Variants in CLEC16A observed in about 807,000 individuals in gnomAD.
CLEC16A encodes protein CLEC16A.
CLEC16A carries 51 observed loss-of-function variants against 109.5 expected under a neutral mutation model. The ratio of observed to expected loss-of-function variants is 0.47; its 90% CI spans 0.37 to 0.59. The LOEUF is 0.59. Ranked by LOEUF, CLEC16A falls within the 20% of genes least tolerant of loss-of-function variation. The pLI is 0.00. For synonymous variants in CLEC16A, 673 were observed against 564.2 expected (o/e 1.19, Z -2.73); for missense variants, 1,339 against 1,394.0 (o/e 0.96, Z 0.63).
intron 23 of CLEC16A, among the ~76,000 whole-genome samples, chr16:11,172,062 AC>A (rs1374537956): frequency 6.6e-6 from 1 of 152,212 alleles, no homozygotes; most frequent in Non-Finnish European, 1.5e-5. Context: ...ATACATGCAC[AC>A]AGTCACACAC....
intron 23 of CLEC16A, among the ~76,000 whole-genome samples, chr16:11,175,682 C>T (rs1273402845): frequency 1.3e-5 from 2 of 152,176 alleles, no homozygotes; most frequent in South Asian, 2.1e-4. Flanking sequence ...CTACTTTTAG[C>T]GGGGAAACCA....
chr16:11,115,681 G>A (rs1651113825), intron 19 of CLEC16A, among the ~76,000 whole-genome samples: 2 of 151,740 alleles, frequency 1.3e-5, no homozygotes, highest in African/African-American at 2.4e-5. Context: ...CCTGTTTTAA[G>A]TATTGAGTAA....
intron 10 of CLEC16A, among the ~76,000 whole-genome samples, chr16:10,999,468 C>CTGCATT (rs2044532659): frequency 6.6e-6 from 1 of 152,170 alleles, no homozygotes; most frequent in East Asian, 1.9e-4. Flanking sequence ...TACTCCCTTC[C>CTGCATT]TGCATTTTCA....
At chr16:11,054,616 G>T (rs567147768) in intron 18 of CLEC16A, among the ~76,000 whole-genome samples, 1 of 152,184 alleles carries the variant, frequency 6.6e-6, no homozygotes. Context: ...TATAAAAGAG[G>T]CCAGGCTACC....
intron 10 of CLEC16A, among the ~76,000 whole-genome samples, chr16:10,987,566 A>G (rs2043750025): frequency 6.6e-6 from 1 of 152,164 alleles, no homozygotes; most frequent in African/African-American, 2.4e-5. Context: ...CGTGGAGGGA[A>G]TTGCTAGCCC....
At chr16:11,027,468 C>T (rs371553997) in intron 13 of CLEC16A, 122 of 1,579,912 alleles carry the variant, frequency 7.7e-5, no homozygotes, top group South Asian at 6.5e-4. Flanking sequence ...GAAGTCTGTC[C>T]GAGAACTCAT....
At chr16:10,980,056 CTATT>C (rs1198838019) in intron 9 of CLEC16A, among the ~76,000 whole-genome samples, 3 of 152,178 alleles carry the variant, frequency 2.0e-5, no homozygotes, top group African/African-American at 7.2e-5. Context: ...TCTCATTAGA[CTATT>C]AAGTAGTCCA....
chr16:11,154,428 C>T (rs140118276), intron 22 of CLEC16A, among the ~76,000 whole-genome samples: 13 of 152,280 alleles, frequency 8.5e-5, no homozygotes, highest in East Asian at 1.9e-4. Flanking sequence ...TTCTCGTAAA[C>T]GATTTTCATA....
At chr16:11,148,758 G>A (rs1056468851) in intron 22 of CLEC16A, among the ~76,000 whole-genome samples, 1 of 152,172 alleles carries the variant, frequency 6.6e-6, no homozygotes, top group Non-Finnish European at 1.5e-5. Context: ...AGGACCAGGA[G>A]CAGTTCAAAT....
At chr16:11,025,001 C>A in intron 13 of CLEC16A, 80 bp downstream of exon 13, 1 of 1,043,298 alleles carries the variant, frequency 9.6e-7, no homozygotes. Context: ...GCATGGAGGA[C>A]AAAGAAAGGT....
intron 19 of CLEC16A, among the ~76,000 whole-genome samples, chr16:11,075,414 G>GTGTC (rs1555478938): frequency 2.1e-4 from 25 of 120,438 alleles, no homozygotes; most frequent in African/African-American, 5.6e-4. Context: ...GTGTGTGTCT[G>GTGTC]TGTGTGTGTG....
In CLEC16A at chr16:10,971,008, A is replaced by ATTTTTTTTTTT. The variant is rs35498388; in HGVS notation, c.493-110_493-100dup. On this transcript the variant is annotated intron_variant, in intron 4 of 23. Coordinates refer to ENST00000409790, the MANE Select transcript of CLEC16A (RefSeq NM_015226.3). ...CTGACTTACGGTTCACATTGGCAAC[A>ATTTTTTTTTTT]TTTTTTTTTTTTTTTTTGTCTTTTT... is the stretch of plus-strand genomic sequence containing the variant. The ATTTTTTTTTTT allele has an allele frequency of 6.3e-5, 32 of 506,950 alleles. 6 individuals are homozygous for ATTTTTTTTTTT. Among genetic ancestry groups the ATTTTTTTTTTT allele is most frequent in the Non-Finnish European group, 7.0e-5 (20 of 286,638 alleles). 31.4% of individuals were successfully genotyped at this position (506,950 alleles called of 1,614,324 possible). A position where few individuals can be genotyped will look rare whatever the true frequency, so the allele number is the denominator to read the frequency against.
intron 23 of CLEC16A, among the ~76,000 whole-genome samples, chr16:11,171,344 C>G (rs72771827): frequency 0.086 from 13,118 of 152,260 alleles, 749 homozygotes; most frequent in South Asian, 0.15. Context: ...CCTGGAGTGG[C>G]TCTTTCAGTG....
At chr16:11,019,534 C>T (rs932607267) in intron 11 of CLEC16A, among the ~76,000 whole-genome samples, 3 of 152,096 alleles carry the variant, frequency 2.0e-5, no homozygotes, top group Non-Finnish European at 4.4e-5. Context: ...TTTGGGAGGC[C>T]GAGGTGGGTG....
intron 4 of CLEC16A, 53 bp from the exon 5 acceptor site, chr16:10,971,072 C>T (rs1485122672): frequency 7.3e-6 from 8 of 1,091,466 alleles, no homozygotes; most frequent in Non-Finnish European, 1.1e-5. Flanking sequence ...TGGGGTGGGG[C>T]CAGGCCTGGC....
intron 19 of CLEC16A, among the ~76,000 whole-genome samples, chr16:11,071,759 T>TC (rs934835364): frequency 6.9e-6 from 1 of 145,628 alleles, no homozygotes; most frequent in Non-Finnish European, 1.5e-5. Context: ...GCTGATTTTT[T>TC]TTTTTTTTTT....
intron 9 of CLEC16A, among the ~76,000 whole-genome samples, chr16:10,979,805 G>A (rs915788505): frequency 5.1e-4 from 78 of 152,276 alleles, no homozygotes; most frequent in African/African-American, 1.7e-3. Flanking sequence ...CCTGAAATGA[G>A]TCTATTGTTA....
At chr16:11,027,346 C>A in intron 13 of CLEC16A, 1 of 1,409,886 alleles carries the variant, frequency 7.1e-7, no homozygotes, top group Non-Finnish European at 9.9e-7. Context: ...AGAACCATTG[C>A]AAGACTTTGC....
In CLEC16A at chr16:10,994,777, A is replaced by T. The variant is rs546221945; in HGVS notation, c.1072-8297A>T. ...AGGCTAGAGGACCACCTGTTGAGTGATGCATAAACTGTCACTGCATTTTTG... is the reference window on the plus strand; with the variant it reads ...AGGCTAGAGGACCACCTGTTGAGTGTTGCATAAACTGTCACTGCATTTTTG... On this transcript the variant is annotated intron_variant, in intron 10 of 23. Transcript: ENST00000409790. Among the ~76,000 whole-genome samples the T allele has an allele frequency of 3.3e-5, 5 of 152,282 alleles. No individual in the cohort carries two copies. The South Asian group carries it at 1.0e-3, about 32-fold the overall frequency.
Sources: gnomAD v4.1 joint callset for allele counts (sites outside exome capture counted in the v4.1 genomes callset) on GRCh38, gnomAD v4.1.1 for gene constraint, MANE v1.5 for transcripts, NCBI Gene and HGNC (gene_info 2026-07-23, HGNC 2026-07-21) for gene names.